Variants in CAPN6 observed in about 807,000 individuals in gnomAD.
The protein encoded by CAPN6 is calpain-6.
Under a neutral mutation model 46.0 loss-of-function variants are expected in CAPN6, and 16 were observed. The ratio of observed to expected loss-of-function variants is 0.35; its 90% CI spans 0.24 to 0.53. The LOEUF (loss-of-function observed/expected upper bound fraction) is 0.53, where lower values mean the gene tolerates loss of function less well. Ranked by LOEUF, CAPN6 falls within the 20% of genes least tolerant of loss-of-function variation. The pLI is 0.94. For missense variants in CAPN6, 461 were observed against 498.0 expected, an observed-to-expected ratio of 0.93 and a Z score of 0.71; for synonymous variants, 206 against 172.8, an observed-to-expected ratio of 1.19 and a Z score of -1.51.
At chrX:111,249,180 A>G (rs1296955837) in intron 8 of CAPN6, 123 bp from the exon 9 acceptor site, 9 of 740,395 alleles carry the variant, frequency 1.2e-5, no homozygotes, top group Non-Finnish European at 1.6e-5. Flanking sequence ...CTGGGCTTTC[A>G]TATTTATCAG....
intron 8 of CAPN6, among the ~76,000 whole-genome samples, chrX:111,249,652 T>C (rs2073310703): frequency 1.8e-5 from 2 of 110,742 alleles, no homozygotes; most frequent in South Asian, 7.7e-4. Context: ...CAGATTTTTC[T>C]CTCTGTCTCT....
At position 111,251,123 on chromosome X, in the gene CAPN6, G is replaced by GA. The variant is rs777343208; in HGVS notation, c.972-21dup. 9 of 1,204,913 alleles carry GA rather than the reference G, an allele frequency of 7.5e-6. No homozygotes were observed. The South Asian group carries it at 1.2e-4, about 17-fold the overall frequency. On this transcript the variant is annotated intron_variant, in intron 7 of 12. Transcript: ENST00000324068. ...CTCATCCTGAATGGAAGGAGCACAG[G>GA]AAAAAAATAAAGATGGTATTTAATA...
intron 2 of CAPN6, 134 bp from the exon 3 acceptor site, chrX:111,254,537 T>C (rs1174175389): frequency 4.5e-6 from 2 of 444,825 alleles, no homozygotes; most frequent in African/African-American, 2.5e-5. Flanking sequence ...TTTCCATAGA[T>C]GGGATGAAGG....
chrX:111,254,203 T>A, intron 3 of CAPN6, 69 bp downstream of exon 3: 6 of 1,115,545 alleles, frequency 5.4e-6, no homozygotes, highest in Non-Finnish European at 7.2e-6. Context: ...TGCGCTGATT[T>A]TTTTCCTAAA....
At chrX:111,270,047 T>C (rs1292330707) in intron 1 of CAPN6, among the ~76,000 whole-genome samples, 3 of 111,899 alleles carry the variant, frequency 2.7e-5, no homozygotes, top group African/African-American at 9.8e-5. Context: ...CCAGGTATTT[T>C]GGGTAGCAGA....
At chrX:111,258,690 G>C (rs774341135) in intron 2 of CAPN6, among the ~76,000 whole-genome samples, 1 of 111,615 alleles carries the variant, frequency 9.0e-6, no homozygotes, top group South Asian at 3.8e-4. Context: ...TCAATATGGA[G>C]AATAGAATAG....
intron 2 of CAPN6, 78 bp downstream of exon 2, chrX:111,263,694 T>C: frequency 1.1e-6 from 1 of 918,074 alleles, no homozygotes; most frequent in South Asian, 2.5e-5. Flanking sequence ...ACAGTAGGCT[T>C]TGTAAGTGAA....
At chrX:111,255,671 G>A (rs1466827948) in intron 2 of CAPN6, among the ~76,000 whole-genome samples, 1 of 111,550 alleles carries the variant, frequency 9.0e-6, no homozygotes, top group Non-Finnish European at 1.9e-5. Context: ...TCTCCTTGAC[G>A]AAGGGTCTGG....
At position 111,247,681 on chromosome X, in the gene CAPN6, G is replaced by T. The variant is rs192531461; in HGVS notation, c.1607-177C>A. The stretch of plus-strand genomic sequence containing the variant: ...CTTTCCTTTTCCATATTTTATATAG[G>T]AATATGAAAATGAATCTAATGTAGG... On this transcript the variant is annotated intron_variant, in intron 11 of 12. Coordinates refer to ENST00000324068, the MANE Select transcript of CAPN6 (RefSeq NM_014289.4). Among the ~76,000 whole-genome samples the T allele has an allele frequency of 4.4e-3, 490 of 111,451 alleles. 5 individuals carry two copies. The highest frequency in any genetic ancestry group is 0.015 in the African/African-American group (466 of 30,660).
rs1603408540 is a variant in CAPN6, at chrX:111,252,556, T to C, written c.507-57A>G. The C allele has an allele frequency of 6.1e-6, 6 of 976,711 alleles. No individual in the cohort carries two copies. In the East Asian group the frequency reaches 1.3e-4, roughly 20 times the overall value. The allele number at this position is 976,711 out of a possible 1,213,427, so 80.5% of individuals were successfully genotyped here. ...AAATTGTTTTTCCAGGTCAAGAACA[T>C]CATAATCTAAAGAATCAGAACATCC... On this transcript the variant is annotated intron_variant, in intron 4 of 12. Transcript: ENST00000324068.
At chrX:111,248,502 T>A (rs2147530033) in intron 10 of CAPN6, 67 bp downstream of exon 10, 2 of 800,406 alleles carry the variant, frequency 2.5e-6, no homozygotes, top group South Asian at 4.3e-5. Context: ...GGGAGACGGG[T>A]GAAGGGGTTT....
intron 1 of CAPN6, among the ~76,000 whole-genome samples, chrX:111,266,233 CAAAAAAAAAA>C (rs36058551): frequency 5.8e-5 from 2 of 34,324 alleles, no homozygotes; most frequent in African/African-American, 2.3e-4. Context: ...GACTCCGTCT[CAAAAAAAAAA>C]AAAAAAAAAA....
chrX:111,254,155 T>C lies in CAPN6; in HGVS notation c.297+117A>G, dbSNP rs774439115. ...ATGGAGGGAAGTCGCCTAGTTAATA[T>C]CTCTGCTTTCAAGAAATACAACAAT... is the stretch of plus-strand genomic sequence containing the variant. On this transcript the variant is annotated intron_variant, in intron 3 of 12. Transcript: ENST00000324068. 6.7e-6 allele frequency: 6 copies of C among 899,553 alleles called. No individual in the cohort carries two copies. In the Admixed American group the frequency reaches 1.6e-4, roughly 24 times the overall value. 74.1% of individuals were successfully genotyped at this position (899,553 alleles called of 1,213,427 possible).
rs779225747 is a variant in CAPN6, at chrX:111,250,456, T to A, written c.1158+461A>T. On this transcript the variant is annotated intron_variant, in intron 8 of 12. Coordinates refer to ENST00000324068, the MANE Select transcript of CAPN6 (RefSeq NM_014289.4). Reference sequence around the variant, plus strand: ...GGAAAAATGACCTGGATCTAGATGATAAAATGGAGGCATAATAATGGGGTT... The same window carrying A: ...GGAAAAATGACCTGGATCTAGATGAAAAAATGGAGGCATAATAATGGGGTT... 3.6e-5 allele frequency among the ~76,000 whole-genome samples: 4 copies of A among 110,914 alleles called. No individual in the cohort carries two copies. The East Asian group carries it at 1.1e-3, about 32-fold the overall frequency.
At chrX:111,246,844 G>A (rs2094974941) in intron 12 of CAPN6, 85 bp from the exon 13 acceptor site, 1 of 796,231 alleles carries the variant, frequency 1.3e-6, no homozygotes, top group Non-Finnish European at 1.8e-6. Flanking sequence ...CTAATGCTGA[G>A]CTTCAAAAGA....
At chrX:111,253,390 C>T (rs2094981294) in intron 3 of CAPN6, among the ~76,000 whole-genome samples, 174 bp from the exon 4 acceptor site, 1 of 112,488 alleles carries the variant, frequency 8.9e-6, no homozygotes. Flanking sequence ...ACTTCTGCTT[C>T]CTCAGTTCAG....
At chrX:111,265,797 T>C (rs1252878849) in intron 1 of CAPN6, among the ~76,000 whole-genome samples, 1 of 111,732 alleles carries the variant, frequency 8.9e-6, no homozygotes, top group African/African-American at 3.3e-5. Context: ...TCTGGATAAA[T>C]GAGTATTTCC....
intron 2 of CAPN6, among the ~76,000 whole-genome samples, chrX:111,259,246 A>G (rs1308024155): frequency 8.9e-6 from 1 of 112,822 alleles, no homozygotes; most frequent in Admixed American, 9.3e-5. Context: ...TTTAAAATAA[A>G]TAGGACAGTT....
At chrX:111,262,955 C>T (rs957380846) in intron 2 of CAPN6, among the ~76,000 whole-genome samples, 1 of 111,899 alleles carries the variant, frequency 8.9e-6, no homozygotes, top group African/African-American at 3.2e-5. Flanking sequence ...AGCCTTCTTG[C>T]CCCCATGAAA....
Sources: gnomAD v4.1 joint callset for allele counts (sites outside exome capture counted in the v4.1 genomes callset) on GRCh38, gnomAD v4.1.1 for gene constraint, MANE v1.5 for transcripts, NCBI Gene and HGNC (gene_info 2026-07-23, HGNC 2026-07-21) for gene names.